Variants in DMRTC2 observed in about 807,000 individuals in gnomAD.
The protein encoded by DMRTC2 is doublesex- and mab-3-related transcription factor C2.
In DMRTC2, 13 loss-of-function variants were observed where a neutral mutation model predicts 39.9. The ratio of observed to expected loss-of-function variants is 0.33; its 90% CI spans 0.21 to 0.52. The LOEUF (loss-of-function observed/expected upper bound fraction) is 0.52, where lower values mean the gene tolerates loss of function less well. DMRTC2 is among the 20% of genes least tolerant of loss of function. The pLI is 0.96. For missense variants in DMRTC2, 431 were observed against 472.8 expected, an observed-to-expected ratio of 0.91 and a Z score of 0.82; for synonymous variants, 189 against 185.2, an observed-to-expected ratio of 1.02 and a Z score of -0.17.
chr19:41,850,344 C>A lies in DMRTC2; in HGVS notation c.788C>A (p.Thr263Asn), dbSNP rs1555837034. The change falls in exon 7 of 9, where the codon ACC becomes AAC. Residue 263 changes from threonine (T) to asparagine (N), a missense_variant. Physicochemically the swap from Thr to Asn is moderately conservative, Grantham distance 65 (BLOSUM62 0). Transcript: ENST00000269945. ...ACTCTGATACTCCAGCCCTGTGGCA[C>A]CCCAGACCCTCTTCAGCTACAGCCA... Reference protein sequence around the residue: ...HSTLILQPCGTPDPLQLQPQA... With the variant: ...HSTLILQPCGNPDPLQLQPQA... 1 of 1,519,074 alleles carries A rather than the reference C, an allele frequency of 6.6e-7. No individual in the cohort carries two copies. Among genetic ancestry groups the A allele is most frequent in the South Asian group, 1.3e-5 (1 of 75,014 alleles). The allele number at this position is 1,519,074 out of a possible 1,614,324, so 94.1% of individuals were successfully genotyped here. A position where few individuals can be genotyped will look rare whatever the true frequency, so the allele number is the denominator to read the frequency against.
chr19:41,851,482 G>T (rs1220494627), intron 8 of DMRTC2, 102 bp from the exon 9 acceptor site: 2 of 951,132 alleles, frequency 2.1e-6, no homozygotes, highest in Non-Finnish European at 1.6e-6. Flanking sequence ...AAATAATCCA[G>T]GAGAACAATG....
At position 41,848,524 on chromosome 19, in the gene DMRTC2, G is replaced by A. The variant is rs140189759; in HGVS notation, c.443G>A (p.Gly148Glu). 47 of 1,588,426 alleles carry A rather than the reference G, an allele frequency of 3.0e-5. No homozygotes were observed. In the African/African-American group the frequency reaches 6.0e-4, roughly 20 times the overall value. Reference protein sequence around the residue: ...GAVLLAPTPPGKNSCGPLLLS... With the variant: ...GAVLLAPTPPEKNSCGPLLLS... ...GTCCTGCTGGCACCGACACCCCCCG[G>A]GAAGGTAAGGAGAGGCTGGGGCCTG... is the stretch of plus-strand genomic sequence containing the variant. Residue 148 changes from glycine to glutamate, a missense_variant, in exon 4 of 9, where the codon GGG becomes GAG. By Grantham distance (98) the Gly-to-Glu change is moderately conservative. Coordinates refer to ENST00000269945, the MANE Select transcript of DMRTC2 (RefSeq NM_001040283.3).
At position 41,851,739 on chromosome 19, in the gene DMRTC2, C is replaced by G; in HGVS notation, c.*43C>G. ...CTGTCTTGCTATGGCAGGGAGGTGACAGCCTGCTGGCACTGTATATTTAGT... is the reference window on the plus strand; with the variant it reads ...CTGTCTTGCTATGGCAGGGAGGTGAGAGCCTGCTGGCACTGTATATTTAGT... On this transcript the variant is annotated 3_prime_UTR_variant, in exon 9 of 9. Coordinates refer to ENST00000269945, the MANE Select transcript of DMRTC2 (RefSeq NM_001040283.3). 1 of 1,551,538 alleles carries G rather than the reference C, an allele frequency of 6.4e-7. No individual in the cohort carries two copies. The highest frequency in any genetic ancestry group is 2.2e-5 in the East Asian group (1 of 44,570).
Position 41,847,814 on chromosome 19 carries a change from G to A in DMRTC2, c.303G>A (p.Arg101=), listed in dbSNP as rs1320040746. The change falls in exon 3 of 9, where the codon AGG becomes AGA. Residue 101 remains arginine (R), a synonymous_variant. Transcript: ENST00000269945. ...CGCAGCTAAAGAAGCACCTGATGAG[G>A]AGAGGGGAAGCCTCTCCCAAAGCTC... is the stretch of plus-strand genomic sequence containing the variant. The part of the protein sequence containing the change: ...QEAQLKKHLM[R]RGEASPKAPN... The A allele has an allele frequency of 6.2e-7, 1 of 1,604,114 alleles. No homozygotes were observed. Among genetic ancestry groups the A allele is most frequent in the Admixed American group, 1.7e-5 (1 of 58,334 alleles).
intron 1 of DMRTC2, among the ~76,000 whole-genome samples, chr19:41,846,882 TA>T (rs1169580769): frequency 6.7e-6 from 1 of 148,962 alleles, no homozygotes; most frequent in African/African-American, 2.5e-5. Context: ...ATTTTTAAAT[TA>T]AAAAAAGGGG....
In DMRTC2 at chr19:41,850,540, G is replaced by C. The variant is rs781784867; in HGVS notation, c.831G>C (p.Ser277=). 3 of 1,612,530 alleles carry C rather than the reference G, an allele frequency of 1.9e-6. No individual in the cohort carries two copies. In the South Asian group the frequency reaches 3.3e-5, roughly 18 times the overall value. ...LQLQPQASGA[S]CLARTSGPSE... The stretch of plus-strand genomic sequence containing the variant: ...TTCCCTTGCAGGCCTCTGGAGCCTC[G>C]TGCCTGGCCCGGACATCTGGCCCCT... The change falls in exon 8 of 9, where the codon TCG becomes TCC. Residue 277 remains serine, a synonymous_variant. Coordinates refer to ENST00000269945, the MANE Select transcript of DMRTC2 (RefSeq NM_001040283.3).
In DMRTC2 at chr19:41,847,463, G is replaced by C. The variant is rs1385449525; in HGVS notation, c.35G>C (p.Cys12Ser). ...AGTGACATGCCTGCTGGCTACCACT[G>C]CCCCTTAGACTCTGCCCCCTGGGAT... Reference protein sequence around the residue: ...EPSDMPAGYHCPLDSAPWDET... With the variant: ...EPSDMPAGYHSPLDSAPWDET... The change falls in exon 2 of 9, where the codon TGC becomes TCC. Residue 12 changes from cysteine to serine, a missense_variant. Physicochemically the swap from Cys to Ser is moderately radical, Grantham distance 112. Transcript: ENST00000269945. The C allele has an allele frequency of 1.3e-5, 21 of 1,594,212 alleles. No homozygotes were observed. The East Asian group carries it at 4.7e-4, about 36-fold the overall frequency.
chr19:41,847,372 G>C, intron 1 of DMRTC2, 53 bp from the exon 2 acceptor site: 1 of 1,504,834 alleles, frequency 6.6e-7, no homozygotes, highest in South Asian at 1.3e-5. Flanking sequence ...GGGCAGGAGG[G>C]TTGTTAGGGG....
chr19:41,851,822 G>T lies in DMRTC2; in HGVS notation c.*126G>T, dbSNP rs2073961570. On this transcript the variant is annotated 3_prime_UTR_variant, in exon 9 of 9. Transcript: ENST00000269945. ...TGTAGTACAAGCTTCGGGCTTTTTTGTTTGTTTGTTTGTTTGTTTGTTTAA... is the reference window on the plus strand; with the variant it reads ...TGTAGTACAAGCTTCGGGCTTTTTTTTTTGTTTGTTTGTTTGTTTGTTTAA... 1 of 688,100 alleles carries T rather than the reference G, an allele frequency of 1.5e-6. No individual in the cohort carries two copies. Among genetic ancestry groups the T allele is most frequent in the Admixed American group, 2.9e-5 (1 of 34,216 alleles). The allele number at this position is 688,100 out of a possible 1,614,324, so 42.6% of individuals were successfully genotyped here. A position where few individuals can be genotyped will look rare whatever the true frequency, so the allele number is the denominator to read the frequency against.
rs1555837015 is a variant in DMRTC2, at chr19:41,850,330, C to T, written c.774C>T (p.Leu258=). Residue 258 remains leucine (L), a synonymous_variant, in exon 7 of 9, where the codon CTC becomes CTT. Transcript: ENST00000269945. ...SQPRTHSTLI[L]QPCGTPDPLQ... is the part of the protein sequence containing the mutation. The stretch of plus-strand genomic sequence containing the variant: ...TTTCTAGACACTCAACTCTGATACT[C>T]CAGCCCTGTGGCACCCCAGACCCTC... 3 of 1,509,322 alleles carry T rather than the reference C, an allele frequency of 2.0e-6. No homozygotes were observed. The highest frequency in any genetic ancestry group is 4.7e-5 in the East Asian group (2 of 42,966). 93.5% of individuals were successfully genotyped at this position (1,509,322 alleles called of 1,614,324 possible).
rs1406148553 is a variant in DMRTC2, at chr19:41,849,077, A to G, written c.629-53A>G. The G allele has an allele frequency of 2.5e-6, 4 of 1,612,076 alleles. No individual in the cohort carries two copies. In the East Asian group the frequency reaches 8.9e-5, roughly 36 times the overall value. On this transcript the variant is annotated intron_variant, in intron 5 of 8. Transcript: ENST00000269945. ...AAAGCATAGGTGGGGAGAGGGAGGA[A>G]AGAAACTATGACCTTGGCCCCTATA...
intron 8 of DMRTC2, 126 bp from the exon 9 acceptor site, chr19:41,851,458 C>A: frequency 1.3e-6 from 1 of 763,706 alleles, no homozygotes; most frequent in Non-Finnish European, 2.1e-6. Flanking sequence ...GGAAAATTAG[C>A]AAGGAGGTCT....
intron 6 of DMRTC2, 146 bp downstream of exon 6, chr19:41,849,402 C>T: frequency 8.1e-7 from 1 of 1,228,456 alleles, no homozygotes; most frequent in Non-Finnish European, 1.1e-6. Context: ...ACTGCCATTT[C>T]CTAGCTGTGA....
At chr19:41,850,167 A>G (rs888628293) in intron 6 of DMRTC2, 145 bp from the exon 7 acceptor site, 56 of 635,570 alleles carry the variant, frequency 8.8e-5, no homozygotes, top group African/African-American at 7.7e-4. Context: ...TTTACTGAAA[A>G]CAAAATAAGT....
In DMRTC2 at chr19:41,851,732, G is replaced by C; in HGVS notation, c.*36G>C. 6.4e-7 allele frequency: 1 copy of C among 1,561,676 alleles called. No individual in the cohort carries two copies. Among genetic ancestry groups the C allele is most frequent in the Non-Finnish European group, 8.8e-7 (1 of 1,132,512 alleles). On this transcript the variant is annotated 3_prime_UTR_variant, in exon 9 of 9. Coordinates refer to ENST00000269945, the MANE Select transcript of DMRTC2 (RefSeq NM_001040283.3). ...ATGGAGGCTGTCTTGCTATGGCAGGGAGGTGACAGCCTGCTGGCACTGTAT... is the reference window on the plus strand; with the variant it reads ...ATGGAGGCTGTCTTGCTATGGCAGGCAGGTGACAGCCTGCTGGCACTGTAT...
chr19:41,851,326 TATGTGAAG>T, intron 8 of DMRTC2: 1 of 449,646 alleles, frequency 2.2e-6, no homozygotes, highest in South Asian at 3.2e-5. Context: ...ACAGCAACTG[TATGTGAAG>T]GGGAGCCAGG....
chr19:41,850,420 TG>T (rs781969803), intron 7 of DMRTC2, 48 bp downstream of exon 7: 2 of 1,563,328 alleles, frequency 1.3e-6, no homozygotes, highest in Non-Finnish European at 1.7e-6. Flanking sequence ...AGGTTGAGCC[TG>T]GGGAAGGAAA....
In DMRTC2 at chr19:41,848,935, G is replaced by A; in HGVS notation, c.588G>A (p.Leu196=). The A allele has an allele frequency of 6.2e-7, 1 of 1,614,002 alleles. No individual in the cohort carries two copies. The highest frequency in any genetic ancestry group is 8.5e-7 in the Non-Finnish European group (1 of 1,180,040). Residue 196 remains leucine, a synonymous_variant, in exon 5 of 9, where the codon CTG becomes CTA. Transcript: ENST00000269945. ...FSMPPPVVCR[L]LYQEPAVSLP... ...TGCCACCACCAGTGGTGTGCCGCCT[G>A]CTGTACCAAGAACCTGCTGTCTCTC... is the stretch of plus-strand genomic sequence containing the variant.
intron 8 of DMRTC2, chr19:41,851,253 G>C (rs1416395980): frequency 3.5e-6 from 1 of 287,588 alleles, no homozygotes; most frequent in East Asian, 7.3e-5. Context: ...TAGAACAGAG[G>C]GAAAGGAGGC....
Sources: gnomAD v4.1 joint callset for allele counts (sites outside exome capture counted in the v4.1 genomes callset) on GRCh38, gnomAD v4.1.1 for gene constraint, MANE v1.5 for transcripts, NCBI Gene and HGNC (gene_info 2026-07-23, HGNC 2026-07-21) for gene names.